ERCC6: variants seen among roughly 807,000 people sequenced by gnomAD.
ERCC6 encodes the protein DNA excision repair protein ERCC-6.
Under a neutral mutation model 158.7 loss-of-function variants are expected in ERCC6, and 116 were observed. The observed-to-expected ratio is 0.73, with a 90% confidence interval of 0.63 to 0.85. The LOEUF (loss-of-function observed/expected upper bound fraction) is 0.85, where lower values mean the gene tolerates loss of function less well. Ranked by LOEUF, ERCC6 falls within the 40% of genes least tolerant of loss-of-function variation. The pLI is 0.00. For synonymous variants in ERCC6, 678 were observed against 659.3 expected (o/e 1.03, Z -0.43); for missense variants, 1,698 against 1,799.4 (o/e 0.94, Z 1.02).
In ERCC6 at chr10:49,461,471, T is replaced by C; in HGVS notation, c.3864A>G (p.Arg1288=). ...DYVLVEAEAN[R]VAQDALKALR... is the part of the protein sequence containing the mutation. ...GTGCTTTCAGGGCATCCTGGGCCAC[T>C]CGGTTGGCTTCTGCCTCCACCAGTA... Residue 1288 remains arginine, a synonymous_variant, in exon 19 of 21, where the codon CGA becomes CGG. Transcript: ENST00000355832. 1 of 1,614,144 alleles carries C rather than the reference T, an allele frequency of 6.2e-7. No homozygotes were observed. Among genetic ancestry groups the C allele is most frequent in the African/African-American group, 1.3e-5 (1 of 75,060 alleles).
chr10:49,488,970 G>A (rs1451018083), intron 8 of ERCC6, among the ~76,000 whole-genome samples: 1 of 152,094 alleles, frequency 6.6e-6, no homozygotes, highest in Non-Finnish European at 1.5e-5. Context: ...ATTTTTAGTA[G>A]AGACGGGGTT....
At chr10:49,477,475 G>A (rs1008267303) in intron 11 of ERCC6, among the ~76,000 whole-genome samples, 1 of 152,146 alleles carries the variant, frequency 6.6e-6, no homozygotes, top group Non-Finnish European at 1.5e-5. Flanking sequence ...AGTCACTCCT[G>A]AAGCCCGCAC....
At chr10:49,491,351 T>C (rs1363239384) in intron 8 of ERCC6, among the ~76,000 whole-genome samples, 3 of 152,190 alleles carry the variant, frequency 2.0e-5, no homozygotes, top group African/African-American at 4.8e-5. Flanking sequence ...AAAGGAACAG[T>C]AGGAAGAGTT....
chr10:49,467,694 T>C (rs1342651270), intron 18 of ERCC6, among the ~76,000 whole-genome samples: 4 of 151,902 alleles, frequency 2.6e-5, no homozygotes, highest in Non-Finnish European at 5.9e-5. Context: ...GCCTCGCAAG[T>C]AGCTGGGACC....
chr10:49,482,560 C>G, intron 10 of ERCC6, 127 bp downstream of exon 10: 1 of 488,974 alleles, frequency 2.0e-6, no homozygotes. Flanking sequence ...TTTTTTTTAA[C>G]CAGATACCAA....
Position 49,476,218 on chromosome 10 carries a change from C to A in ERCC6, c.2379G>T (p.Met793Ile). Reference protein sequence around the residue: ...KEVYRILNGEMQIFSGLIALR... With the variant: ...KEVYRILNGEIQIFSGLIALR... ...CAGCTTCTATTTTTTAGCTGACCTGCATCTCTCCATTGAGAATCCTGTAAA... is the reference window on the plus strand; with the variant it reads ...CAGCTTCTATTTTTTAGCTGACCTGAATCTCTCCATTGAGAATCCTGTAAA... Residue 793 changes from methionine (M) to isoleucine (I), a missense_variant, in exon 12 of 21, where the codon ATG (methionine) becomes ATT (isoleucine). Met to Ile is a conservative substitution (Grantham distance 10). Transcript: ENST00000355832. 1 of 1,607,650 alleles carries A rather than the reference C, an allele frequency of 6.2e-7. No homozygotes were observed. The highest frequency in any genetic ancestry group is 8.5e-7 in the Non-Finnish European group (1 of 1,174,166).
chr10:49,470,198 C>G lies in ERCC6; in HGVS notation c.3762G>C (p.Lys1254Asn). ...EQSNDDYVLEKLFKKSVGVHS... is the reference protein window; with the variant it reads ...EQSNDDYVLENLFKKSVGVHS... ...ATGGATTACCTGATTTTTTGAAAAG[C>G]TTTTCCAAAACATAATCGTCATTGC... is the stretch of plus-strand genomic sequence containing the variant. The change falls in exon 18 of 21, where the codon AAG (lysine) becomes AAC (asparagine). Residue 1254 changes from lysine to asparagine, a missense_variant. Coordinates refer to ENST00000355832, the MANE Select transcript of ERCC6 (RefSeq NM_000124.4). The G allele has an allele frequency of 6.2e-7, 1 of 1,614,142 alleles. No individual in the cohort carries two copies. The highest frequency in any genetic ancestry group is 1.1e-5 in the South Asian group (1 of 91,078).
intron 5 of ERCC6, among the ~76,000 whole-genome samples, chr10:49,521,808 C>T (rs1307143684): frequency 2.0e-5 from 3 of 152,136 alleles, no homozygotes; most frequent in African/African-American, 4.8e-5. Context: ...AAGCAGGATC[C>T]AAAGGGCGAC....
chr10:49,523,159 C>T (rs531340817), intron 5 of ERCC6, among the ~76,000 whole-genome samples: 9 of 152,314 alleles, frequency 5.9e-5, no homozygotes, highest in African/African-American at 2.2e-4. Flanking sequence ...AGCCATCCCA[C>T]TATCAAGTAT....
intron 5 of ERCC6, 103 bp from the exon 6 acceptor site, chr10:49,506,115 G>A (rs1179882256): frequency 7.5e-6 from 10 of 1,338,808 alleles, no homozygotes; most frequent in African/African-American, 5.8e-5. Flanking sequence ...AAATTAGAAC[G>A]GTCTCTTAGG....
At chr10:49,518,843 A>G (rs1837065129) in intron 5 of ERCC6, among the ~76,000 whole-genome samples, 2 of 152,234 alleles carry the variant, frequency 1.3e-5, no homozygotes, top group Non-Finnish European at 2.9e-5. Flanking sequence ...ATTAGAAGAC[A>G]TTCTGTAAGA....
At position 49,532,746 on chromosome 10, in the gene ERCC6, C is replaced by T. The variant is rs777009906; in HGVS notation, c.219G>A (p.Leu73=). The T allele has an allele frequency of 6.2e-7, 1 of 1,614,232 alleles. No individual in the cohort carries two copies. The highest frequency in any genetic ancestry group is 1.1e-5 in the South Asian group (1 of 91,088). The change falls in exon 2 of 21, where the codon CTG becomes CTA. Residue 73 remains leucine (L), a synonymous_variant. Transcript: ENST00000355832. ...CCTGGATCTGATGTCGGTCGATGTG[C>T]AGCAGGGCTGGCCCTCTCCTCGGAG... is the stretch of plus-strand genomic sequence containing the variant. ...SAAPRRGPAL[L]HIDRHQIQAV... is the part of the protein sequence containing the mutation.
intron 10 of ERCC6, among the ~76,000 whole-genome samples, chr10:49,480,309 T>C (rs1371605934): frequency 6.6e-6 from 1 of 152,172 alleles, no homozygotes; most frequent in Non-Finnish European, 1.5e-5. Context: ...CCAGGTTTAT[T>C]TGCCATTTTC....
At chr10:49,462,146 T>C (rs751863429) in intron 18 of ERCC6, among the ~76,000 whole-genome samples, 1 of 152,134 alleles carries the variant, frequency 6.6e-6, no homozygotes, top group Non-Finnish European at 1.5e-5. Flanking sequence ...CACGCTCCAA[T>C]TACAACAGTT....
At chr10:49,507,797 A>C (rs12411454) in intron 5 of ERCC6, among the ~76,000 whole-genome samples, 1 of 152,128 alleles carries the variant, frequency 6.6e-6, no homozygotes, top group African/African-American at 2.4e-5. Context: ...AACATCCTAC[A>C]CCACACAGGA....
At chr10:49,505,677 A>G in intron 6 of ERCC6, 1 of 603,082 alleles carries the variant, frequency 1.7e-6, no homozygotes, top group Non-Finnish European at 2.9e-6. Flanking sequence ...TTACAAACAT[A>G]CCCAATGCAC....
intron 18 of ERCC6, among the ~76,000 whole-genome samples, chr10:49,469,669 T>G (rs1473826904): frequency 1.3e-5 from 2 of 152,340 alleles, no homozygotes; most frequent in East Asian, 3.9e-4. Context: ...GTGAACACAG[T>G]GACTGCTAAG....
rs781472671 is a variant in ERCC6 at position 49,532,919 on chromosome 10, C to T, written c.46G>A (p.Asp16Asn). The T allele has an allele frequency of 3.1e-6, 5 of 1,614,204 alleles. No individual in the cohort carries two copies. In the East Asian group the frequency reaches 1.1e-4, roughly 36 times the overall value. Residue 16 changes from aspartate (D) to asparagine (N), a missense_variant, in exon 2 of 21, where the codon GAC becomes AAC. Asp to Asn is a conservative substitution (Grantham distance 23). Transcript: ENST00000355832. ...CTGACAGGTTGACTCTGTAAACAGTCTTGCTCCTGAGTTTGACTTGAGTGG... is the reference window on the plus strand; with the variant it reads ...CTGACAGGTTGACTCTGTAAACAGTTTTGCTCCTGAGTTTGACTTGAGTGG... ...IPHSSQTQEQ[D>N]CLQSQPVSNN...
At position 49,493,097 on chromosome 10, in the gene ERCC6, G is replaced by A; in HGVS notation, c.1821+20C>T. Reference sequence around the variant, plus strand: ...GAGGGCATTAAAACAAAACAAAAAGGTACTGAAATATTGTGTTACCTTTTT... The same window carrying A: ...GAGGGCATTAAAACAAAACAAAAAGATACTGAAATATTGTGTTACCTTTTT... On this transcript the variant is annotated intron_variant, in intron 8 of 20. Transcript: ENST00000355832. 1.2e-6 allele frequency: 2 copies of A among 1,613,424 alleles called. No individual in the cohort carries two copies. Among genetic ancestry groups the A allele is most frequent in the Non-Finnish European group, 1.7e-6 (2 of 1,179,608 alleles).
Sources: allele counts gnomAD v4.1 joint callset (sites outside exome capture counted in the v4.1 genomes callset), GRCh38; gene constraint gnomAD v4.1.1; transcripts MANE v1.5; gene names NCBI Gene and HGNC (gene_info 2026-07-23, HGNC 2026-07-21).